The following PRKCG variants were observed in gnomAD, a reference collection of about 807,000 sequenced individuals.
The protein encoded by PRKCG is protein kinase C gamma type.
A neutral mutation model predicts 82.0 loss-of-function variants in PRKCG; 28 were observed. That is an observed-to-expected ratio of 0.34 (90% CI 0.25 to 0.47). The LOEUF (loss-of-function observed/expected upper bound fraction) is 0.47. Among genes scored for constraint, PRKCG ranks in the 20% least tolerant of loss-of-function variants. The probability of loss-of-function intolerance (pLI) is 1.00; values close to 1 mark genes in which losing one functional copy is unlikely to be tolerated. For synonymous variants in PRKCG, 383 were observed against 376.6 expected, an observed-to-expected ratio of 1.02 and a Z score of -0.20; for missense variants, 640 against 952.7, an observed-to-expected ratio of 0.67 and a Z score of 4.32.
At chr19:53,904,522 T>A in intron 15 of PRKCG, 113 bp from the exon 16 acceptor site, 1 of 823,436 alleles carries the variant, frequency 1.2e-6, no homozygotes, top group Non-Finnish European at 2.0e-6. Flanking sequence ...CAGGTGTGCA[T>A]GTGGGGCGTG....
In PRKCG at chr19:53,892,633, G is replaced by T. The variant is rs375466358; in HGVS notation, c.811G>T (p.Val271Leu). Residue 271 changes from valine (V) to leucine (L), a missense_variant, in exon 7 of 18, where the codon GTG (valine) becomes TTG (leucine). Around this residue, in one of 7 missense-constraint regions of PRKCG, gnomAD observed 261 missense variants for 312.1 expected, o/e 0.84. Coordinates refer to ENST00000263431, the MANE Select transcript of PRKCG (RefSeq NM_002739.5). The surrounding 1 kb of genome is among the most constrained non-coding windows in gnomAD (Gnocchi z 5.9). ...FGVSELLKAP[V>L]DGWYKLLNQE... The stretch of plus-strand genomic sequence containing the variant: ...CGTCTCGGAGCTGCTCAAGGCGCCC[G>T]TGGATGGCTGGTGAGGAGCAGGGCT... 498 of 1,611,642 alleles carry T rather than the reference G, an allele frequency of 3.1e-4. 9 individuals are homozygous for T. The South Asian group carries it at 3.8e-3, about 12-fold the overall frequency.
chr19:53,902,597 A>G (rs2068771408), intron 14 of PRKCG, among the ~76,000 whole-genome samples: 1 of 151,958 alleles, frequency 6.6e-6, no homozygotes, highest in South Asian at 2.1e-4. Flanking sequence ...TCGCTGGCCA[A>G]AATATTCAGA....
rs2068685295 is a variant in PRKCG, at chr19:53,892,603, T to G, written c.781T>G (p.Phe261Val). The G allele has an allele frequency of 6.2e-7, 1 of 1,613,332 alleles. No individual in the cohort carries two copies. Among genetic ancestry groups the G allele is most frequent in the Admixed American group, 1.7e-5 (1 of 59,986 alleles). Reference protein sequence around the residue: ...SRNDFMGAMSFGVSELLKAPV... With the variant: ...SRNDFMGAMSVGVSELLKAPV... Reference sequence around the variant, plus strand: ...CAACGACTTCATGGGGGCCATGTCCTTTGGCGTCTCGGAGCTGCTCAAGGC... The same window carrying G: ...CAACGACTTCATGGGGGCCATGTCCGTTGGCGTCTCGGAGCTGCTCAAGGC... The change falls in exon 7 of 18, where the codon TTT becomes GTT. Residue 261 changes from phenylalanine (F) to valine (V), a missense_variant. Physicochemically the swap from Phe to Val is conservative, Grantham distance 50. Coordinates refer to ENST00000263431, the MANE Select transcript of PRKCG (RefSeq NM_002739.5). The surrounding 1 kb of genome is among the most constrained non-coding windows in gnomAD (Gnocchi z 5.9).
At chr19:53,897,838 A>G in intron 9 of PRKCG, 121 bp from the exon 10 acceptor site, 4 of 1,428,124 alleles carry the variant, frequency 2.8e-6, no homozygotes, top group Admixed American at 3.4e-5. Flanking sequence ...GAGGGTGGCC[A>G]TTTTCCTCTG....
rs1555808689 is a variant in PRKCG at position 53,906,084 on chromosome 19, C to CTTCTTCTTCTTCTTCTTCTTCTTCTT, written c.1765-233_1765-232insTTCTTCTTCTTCTTCTTCTTCTTCTT. On this transcript the variant is annotated intron_variant, in intron 16 of 17. Transcript: ENST00000263431. ...TCCTCCTCCTCCTCCTCCTCCTCCT[C>CTTCTTCTTCTTCTTCTTCTTCTTCTT]CTTCTTCTTCTTCTTCTTCTTCTTC... is the stretch of plus-strand genomic sequence containing the variant. 1.4e-4 allele frequency among the ~76,000 whole-genome samples: 4 copies of CTTCTTCTTCTTCTTCTTCTTCTTCTT among 27,990 alleles called. No individual in the cohort carries two copies. The African/African-American group carries it at 1.5e-3, about 10-fold the overall frequency. The allele number at this position is 27,990 out of a possible 152,430, so 18.4% of individuals were successfully genotyped here.
At position 53,907,438 on chromosome 19, in the gene PRKCG, T is replaced by TCC. The variant is rs1046913041; in HGVS notation, c.*545_*546dup. ...TATGGAGGATTCTTTCCCCAGAGGC[T>TCC]CCCAATCAGCTTTTGTTCTAGACTT... On this transcript the variant is annotated 3_prime_UTR_variant, in exon 18 of 18. Transcript: ENST00000263431. 3 of 167,572 alleles carry TCC rather than the reference T, an allele frequency of 1.8e-5. No homozygotes were observed. The highest frequency in any genetic ancestry group is 7.2e-5 in the African/African-American group (3 of 41,656). The allele number at this position is 167,572 out of a possible 1,614,324, so 10.4% of individuals were successfully genotyped here. A position where few individuals can be genotyped will look rare whatever the true frequency, so the allele number is the denominator to read the frequency against.
intron 16 of PRKCG, 133 bp downstream of exon 16, chr19:53,904,875 G>A: frequency 1.3e-6 from 1 of 761,896 alleles, no homozygotes; most frequent in Non-Finnish European, 2.3e-6. Flanking sequence ...TTGATATGAT[G>A]CATAGGTTTT....
chr19:53,883,239 A>T lies in PRKCG; in HGVS notation c.202+45A>T. 1 of 1,611,730 alleles carries T rather than the reference A, an allele frequency of 6.2e-7. No individual in the cohort carries two copies. The highest frequency in any genetic ancestry group is 8.5e-7 in the Non-Finnish European group (1 of 1,178,524). ...GCTCCTGGGACCCTCAGGAGGGTGGAGGCTGGGGCCCCACAGCTGAGGCTG... is the reference window on the plus strand; with the variant it reads ...GCTCCTGGGACCCTCAGGAGGGTGGTGGCTGGGGCCCCACAGCTGAGGCTG... On this transcript the variant is annotated intron_variant, in intron 2 of 17. Coordinates refer to ENST00000263431, the MANE Select transcript of PRKCG (RefSeq NM_002739.5). This position sits in a 1 kb window ranked among gnomAD's most constrained non-coding sequence, Gnocchi z 5.4.
chr19:53,893,931 A>T (rs1416448143), intron 9 of PRKCG, among the ~76,000 whole-genome samples: 13 of 143,622 alleles, frequency 9.1e-5, no homozygotes, highest in African/African-American at 2.3e-4. Flanking sequence ...TTTTTTTTTT[A>T]TTTTTAGTAG....
upstream of PRKCG, chr19:53,881,791 T>G: frequency 6.6e-6 from 1 of 152,356 alleles, no homozygotes; most frequent in Non-Finnish European, 1.5e-5. Flanking sequence ...GCTACACAAA[T>G]AATGGAGAGG....
At position 53,884,055 on chromosome 19, in the gene PRKCG, T is replaced by A. The variant is rs2068613408; in HGVS notation, c.203-106T>A. ...GTTGAGATCCCTCTCTTTCTGGTTT[T>A]CTCAGTGTCCGAGTTCCGCTCTCTC... On this transcript the variant is annotated intron_variant, in intron 2 of 17. Transcript: ENST00000263431. The surrounding 1 kb of genome is among the most constrained non-coding windows in gnomAD (Gnocchi z 4.6). The A allele has an allele frequency of 9.2e-7, 1 of 1,091,796 alleles. No homozygotes were observed. The allele number at this position is 1,091,796 out of a possible 1,614,324, so 67.6% of individuals were successfully genotyped here.
chr19:53,898,211 C>T, intron 10 of PRKCG, 100 bp downstream of exon 10: 2 of 1,510,324 alleles, frequency 1.3e-6, no homozygotes, highest in Non-Finnish European at 1.8e-6. Context: ...GACTGGGCTC[C>T]TGCATCTTCA....
rs1490251030 is a variant in PRKCG at position 53,884,253 on chromosome 19, C to G, written c.285+10C>G. On this transcript the variant is annotated intron_variant, in intron 3 of 17. Coordinates refer to ENST00000263431, the MANE Select transcript of PRKCG (RefSeq NM_002739.5). The surrounding 1 kb of genome is among the most constrained non-coding windows in gnomAD (Gnocchi z 4.6). The stretch of plus-strand genomic sequence containing the variant: ...GGGCCCCCAGACGGACGTGAGTGCT[C>G]GGACACCTGGTTCTCCTCCTCGGGC... The G allele has an allele frequency of 2.5e-6, 4 of 1,613,274 alleles. No individual in the cohort carries two copies. The highest frequency in any genetic ancestry group is 3.4e-6 in the Non-Finnish European group (4 of 1,179,786).
chr19:53,898,633 G>A lies in PRKCG; in HGVS notation c.1281+5G>A, dbSNP rs1221804470. ...CACTCCACCTTCCAGACCCCGGTAA[G>A]GATGGAGGGGGCGGAGGCTGTCCTC... On this transcript the variant is annotated splice_donor_5th_base_variant and intron_variant, in intron 11 of 17. Transcript: ENST00000263431. The A allele has an allele frequency of 1.9e-6, 3 of 1,567,644 alleles. No individual in the cohort carries two copies. Among genetic ancestry groups the A allele is most frequent in the African/African-American group, 2.7e-5 (2 of 73,470 alleles).
rs1017151185 is a variant in PRKCG at position 53,907,206 on chromosome 19, C to T, written c.*311C>T. On this transcript the variant is annotated 3_prime_UTR_variant, in exon 18 of 18. Transcript: ENST00000263431. ...TAACCATCCCCAACTCCATGGGGTT[C>T]GAGACTCCATCTTGGTAGTTCTGTG... 1 of 483,238 alleles carries T rather than the reference C, an allele frequency of 2.1e-6. No homozygotes were observed. Among genetic ancestry groups the T allele is most frequent in the East Asian group, 3.9e-5 (1 of 25,406 alleles). The allele number at this position is 483,238 out of a possible 1,614,324, so 29.9% of individuals were successfully genotyped here. A position where few individuals can be genotyped will look rare whatever the true frequency, so the allele number is the denominator to read the frequency against.
upstream of PRKCG, chr19:53,881,701 CAG>C (rs1599936043): frequency 6.6e-6 from 1 of 152,546 alleles, no homozygotes; most frequent in East Asian, 1.9e-4. Flanking sequence ...GAGGCAGAAA[CAG>C]AGACACATCG....
At position 53,884,004 on chromosome 19, in the gene PRKCG, G is replaced by A. The variant is rs374733573; in HGVS notation, c.203-157G>A. 6.6e-6 allele frequency among the ~76,000 whole-genome samples: 1 copy of A among 151,896 alleles called. No individual in the cohort carries two copies. The highest frequency in any genetic ancestry group is 6.6e-5 in the Admixed American group (1 of 15,246). ...TCTCCTGCTTCTCTCTCTGGCCTCC[G>A]ATTTTCTCTCTGTTGGACTCTCTGT... is the stretch of plus-strand genomic sequence containing the variant. On this transcript the variant is annotated intron_variant, in intron 2 of 17. Transcript: ENST00000263431. The surrounding 1 kb of genome is among the most constrained non-coding windows in gnomAD (Gnocchi z 4.6).
intron 14 of PRKCG, among the ~76,000 whole-genome samples, chr19:53,902,064 TAATC>T (rs754020428): frequency 4.3e-4 from 65 of 152,032 alleles, no homozygotes; most frequent in Admixed American, 4.1e-3. Flanking sequence ...CGTGCCCAAA[TAATC>T]AATGTCAGTG....
intron 3 of PRKCG, among the ~76,000 whole-genome samples, chr19:53,886,689 G>A (rs1384996222): frequency 6.6e-6 from 1 of 152,224 alleles, no homozygotes; most frequent in Non-Finnish European, 1.5e-5. Context: ...TGGGATTACA[G>A]GCGTGAGCCA....
Sources: allele counts gnomAD v4.1 joint callset (sites outside exome capture counted in the v4.1 genomes callset), GRCh38; gene constraint gnomAD v4.1.1; regional missense constraint gnomAD v4.1.1; non-coding constraint Gnocchi (gnomAD v3.1); transcripts MANE v1.5; gene names NCBI Gene and HGNC (gene_info 2026-07-23, HGNC 2026-07-21).